The following UNC13C variants were observed in gnomAD, a reference collection of about 807,000 sequenced individuals.
The protein encoded by UNC13C is unc-13 homolog C.
Under a neutral mutation model 245.4 loss-of-function variants are expected in UNC13C, and 174 were observed. The observed-to-expected ratio is 0.71, with a 90% CI of 0.63 to 0.80. The LOEUF (loss-of-function observed/expected upper bound fraction) is 0.80, where lower values mean the gene tolerates loss of function less well. Among genes scored for constraint, UNC13C ranks in the 30% least tolerant of loss-of-function variants. UNC13C has a pLI of 0.00. For missense variants in UNC13C, 2,829 were observed against 2,602.9 expected (o/e 1.09, Z -1.89); for synonymous variants, 992 against 895.1 (o/e 1.11, Z -1.93).
At chr15:54,243,508 G>A (rs2035914927) in intron 7 of UNC13C, among the ~76,000 whole-genome samples, 1 of 152,080 alleles carries the variant, frequency 6.6e-6, no homozygotes, top group South Asian at 2.1e-4. Context: ...CCCAGTAATG[G>A]GATTGCTGGG....
In UNC13C at chr15:54,017,910, G is replaced by A. The variant is rs539295430; in HGVS notation, c.2983+2024G>A. Among the ~76,000 whole-genome samples, 12 of 152,302 alleles carry A rather than the reference G, an allele frequency of 7.9e-5. No homozygotes were observed. In the South Asian group the frequency reaches 2.5e-3, roughly 32 times the overall value. ...AGCTTGGCTTCTTATTATCCTGTGA[G>A]CCAACTTTGAATGGAATCTGTTGGA... On this transcript the variant is annotated intron_variant, in intron 2 of 32. Transcript: ENST00000260323.
intron 2 of UNC13C, among the ~76,000 whole-genome samples, chr15:54,071,660 G>GA (rs937795550): frequency 6.8e-6 from 1 of 147,248 alleles, no homozygotes; most frequent in Non-Finnish European, 1.5e-5. Context: ...TGAAATGGTT[G>GA]AAAAAAACAA....
At chr15:54,075,304 C>G (rs554143036) in intron 2 of UNC13C, among the ~76,000 whole-genome samples, 1 of 151,744 alleles carries the variant, frequency 6.6e-6, no homozygotes, top group Non-Finnish European at 1.5e-5. Flanking sequence ...GCTAACACGG[C>G]GAAACACCGT....
chr15:54,031,049 T>A (rs1040545599), intron 2 of UNC13C, among the ~76,000 whole-genome samples: 1 of 152,138 alleles, frequency 6.6e-6, no homozygotes, highest in Non-Finnish European at 1.5e-5. Context: ...TTATCAAGTA[T>A]CTAGTAGCTC....
intron 4 of UNC13C, among the ~76,000 whole-genome samples, chr15:54,150,082 G>A (rs1248302538): frequency 6.6e-6 from 1 of 152,122 alleles, no homozygotes; most frequent in African/African-American, 2.4e-5. Context: ...TATATTTCTT[G>A]ATTCCTATTT....
chr15:54,394,306 TGCC>T (rs2040025526), intron 18 of UNC13C, among the ~76,000 whole-genome samples: 1 of 151,860 alleles, frequency 6.6e-6, no homozygotes, highest in South Asian at 2.1e-4. Context: ...ATATCAAGTT[TGCC>T]CTTTCACTTT....
chr15:54,109,799 G>C (rs1208823586), intron 2 of UNC13C, among the ~76,000 whole-genome samples: 1 of 152,102 alleles, frequency 6.6e-6, no homozygotes, highest in African/African-American at 2.4e-5. Context: ...GGTAGGGATG[G>C]AGATATTATA....
At chr15:54,195,792 A>G (rs1475065080) in intron 4 of UNC13C, among the ~76,000 whole-genome samples, 2 of 152,142 alleles carry the variant, frequency 1.3e-5, no homozygotes, top group Non-Finnish European at 2.9e-5. Flanking sequence ...GAGAGTGCTA[A>G]TGGTTGCAAT....
chr15:54,057,916 G>A, intron 2 of UNC13C, among the ~76,000 whole-genome samples: 1 of 152,180 alleles, frequency 6.6e-6, no homozygotes, highest in Non-Finnish European at 1.5e-5. Context: ...AAACCAACAA[G>A]AACAAAGACA....
the UNC13C span, among the ~76,000 whole-genome samples, chr15:53,842,556 G>A: frequency 2.6e-4 from 40 of 152,224 alleles, no homozygotes; most frequent in African/African-American, 8.7e-4. Flanking sequence ...AACCCTTCTT[G>A]AGACTTTCGT....
chr15:54,153,050 G>A (rs2032591722), intron 4 of UNC13C, among the ~76,000 whole-genome samples: 2 of 152,148 alleles, frequency 1.3e-5, no homozygotes, highest in South Asian at 4.1e-4. Flanking sequence ...AATGTGTGCT[G>A]CTGCTGCTAT....
At chr15:53,947,103 C>A in the UNC13C span, among the ~76,000 whole-genome samples, 2 of 152,100 alleles carry the variant, frequency 1.3e-5, no homozygotes, top group African/African-American at 4.8e-5. Context: ...AAAACTTGAT[C>A]TCAAACCTAT....
intron 4 of UNC13C, among the ~76,000 whole-genome samples, chr15:54,225,058 A>T (rs1400643426): frequency 7.2e-6 from 1 of 138,106 alleles, no homozygotes; most frequent in Non-Finnish European, 1.5e-5. Flanking sequence ...AGCTTGGCTA[A>T]AGGTTGTAAG....
chr15:54,507,588 T>C (rs1466497880), intron 23 of UNC13C, among the ~76,000 whole-genome samples: 2 of 151,964 alleles, frequency 1.3e-5, no homozygotes, highest in Admixed American at 6.6e-5. Context: ...AGTTTTCAAA[T>C]AAATTGCAAA....
At chr15:53,879,953 T>TTGTG in the UNC13C span, among the ~76,000 whole-genome samples, 9,860 of 147,636 alleles carry the variant, frequency 0.067, 557 homozygotes, top group African/African-American at 0.16. Flanking sequence ...GTGTGTGTGT[T>TTGTG]TGTGTGTGTG....
At chr15:54,164,394 A>C (rs1160295290) in intron 4 of UNC13C, among the ~76,000 whole-genome samples, 2 of 152,200 alleles carry the variant, frequency 1.3e-5, no homozygotes, top group Non-Finnish European at 2.9e-5. Flanking sequence ...ACTGTATATC[A>C]TTTGGTATAC....
At chr15:54,231,989 C>T (rs2035566162) in intron 4 of UNC13C, among the ~76,000 whole-genome samples, 1 of 152,044 alleles carries the variant, frequency 6.6e-6, no homozygotes, top group Admixed American at 6.6e-5. Flanking sequence ...GGTAAGAAGC[C>T]TCCCAATAAA....
At chr15:54,254,002 G>A (rs1057317164) in intron 8 of UNC13C, among the ~76,000 whole-genome samples, 6 of 152,142 alleles carry the variant, frequency 3.9e-5, no homozygotes, top group African/African-American at 1.4e-4. Flanking sequence ...TTCACGAAAC[G>A]CTCAGCAAAG....
At chr15:54,155,576 T>C (rs563184643) in intron 4 of UNC13C, among the ~76,000 whole-genome samples, 2 of 24,876 alleles carry the variant, frequency 8.0e-5, no homozygotes, top group South Asian at 6.5e-3. Flanking sequence ...TCATTTCTTA[T>C]ATTTACTTCC....
Sources: allele counts gnomAD v4.1 joint callset (sites outside exome capture counted in the v4.1 genomes callset), GRCh38; gene constraint gnomAD v4.1.1; transcripts MANE v1.5; gene names NCBI Gene and HGNC (gene_info 2026-07-23, HGNC 2026-07-21).